Variants in PARVA observed in about 807,000 individuals in gnomAD.
PARVA encodes the protein alpha-parvin.
Under a neutral mutation model 52.6 loss-of-function variants are expected in PARVA, and 25 were observed. That is an observed-to-expected ratio of 0.48 (90% CI 0.35 to 0.66). The LOEUF (loss-of-function observed/expected upper bound fraction) is 0.66, where lower values mean the gene tolerates loss of function less well. PARVA is among the 30% of genes least tolerant of loss of function. The pLI, the probability that PARVA is intolerant of heterozygous loss-of-function variation, is 0.01. For missense variants in PARVA, 373 were observed against 450.9 expected, an observed-to-expected ratio of 0.83 and a Z score of 1.56; for synonymous variants, 185 against 179.1, an observed-to-expected ratio of 1.03 and a Z score of -0.26.
intron 1 of PARVA, among the ~76,000 whole-genome samples, chr11:12,431,195 G>C (rs1037190557): frequency 9.2e-5 from 14 of 152,158 alleles, no homozygotes; most frequent in African/African-American, 3.4e-4. Flanking sequence ...AGGCAGCCTT[G>C]TCCCCACTGG....
intron 1 of PARVA, among the ~76,000 whole-genome samples, chr11:12,424,668 C>T (rs1332676795): frequency 6.6e-6 from 1 of 152,114 alleles, no homozygotes; most frequent in East Asian, 1.9e-4. Flanking sequence ...TAGCATTGCT[C>T]TAGAATTTCC....
In PARVA at chr11:12,529,733, AC is replaced by A. The variant is rs1353733375; in HGVS notation, c.*1811del. The A allele has an allele frequency of 6.6e-6, 1 of 152,226 alleles. No individual in the cohort carries two copies. Among genetic ancestry groups the A allele is most frequent in the Non-Finnish European group, 1.5e-5 (1 of 68,048 alleles). The allele number at this position is 152,226 out of a possible 1,614,324, so 9.4% of individuals were successfully genotyped here. ...TACTGTCTATCTGCAGTAATTGAGG[AC>A]CCATAAAATTTAGATAACTACATGT... On this transcript the variant is annotated 3_prime_UTR_variant, in exon 13 of 13. Transcript: ENST00000334956.
chr11:12,514,572 C>T (rs112104679), intron 10 of PARVA, among the ~76,000 whole-genome samples: 3,508 of 152,306 alleles, frequency 0.023, 138 homozygotes, highest in African/African-American at 0.081. Flanking sequence ...ACTGCAACCT[C>T]TGCCTCCCAG....
At chr11:12,484,504 G>GGTGTGTGTGTGTGTGTGTGTGTGT (rs35501237) in intron 4 of PARVA, among the ~76,000 whole-genome samples, 4 of 144,586 alleles carry the variant, frequency 2.8e-5, no homozygotes, top group African/African-American at 1.1e-4. Flanking sequence ...GTTTTGTTTT[G>GGTGTGTGTGTGTGTGTGTGTGTGT]GTGTGTGTGT....
chr11:12,377,369 C>A (rs1020401205), upstream of PARVA: 269 of 1,333,952 alleles, frequency 2.0e-4, 1 homozygote, highest in East Asian at 8.3e-3. Flanking sequence ...TCCTCCTGTC[C>A]TGCAAGGGGC....
chr11:12,453,944 G>C (rs1191874305), intron 1 of PARVA, among the ~76,000 whole-genome samples: 1 of 152,194 alleles, frequency 6.6e-6, no homozygotes, highest in Admixed American at 6.5e-5. Flanking sequence ...GGGGTCCTTT[G>C]TGCTGTCATC....
chr11:12,518,757 G>A (rs953708128), intron 12 of PARVA, among the ~76,000 whole-genome samples: 10 of 152,224 alleles, frequency 6.6e-5, no homozygotes, highest in African/African-American at 1.7e-4. Context: ...ATCAGGGACC[G>A]AGCAGAACTG....
intron 12 of PARVA, among the ~76,000 whole-genome samples, chr11:12,522,421 C>CTTTTTTTT (rs66494894): frequency 3.7e-5 from 5 of 134,634 alleles, no homozygotes; most frequent in Non-Finnish European, 4.6e-5. Context: ...GAGCTTTATT[C>CTTTTTTTT]TTTTTTTTTT....
intron 8 of PARVA, among the ~76,000 whole-genome samples, chr11:12,512,862 C>T (rs1256803403): frequency 6.6e-6 from 1 of 152,190 alleles, no homozygotes; most frequent in South Asian, 2.1e-4. Flanking sequence ...GCCCTCTTCT[C>T]TGTGCCCTCT....
chr11:12,399,530 A>G (rs1939796332), intron 1 of PARVA, among the ~76,000 whole-genome samples: 1 of 152,240 alleles, frequency 6.6e-6, no homozygotes, highest in Non-Finnish European at 1.5e-5. Flanking sequence ...CTAAATGTTT[A>G]TTATAAGTTC....
intron 1 of PARVA, among the ~76,000 whole-genome samples, chr11:12,463,484 T>G (rs1940811464): frequency 6.6e-6 from 1 of 152,194 alleles, no homozygotes; most frequent in Admixed American, 6.5e-5. Context: ...TATGGGTTTC[T>G]GGAAGGAAGG....
intron 1 of PARVA, among the ~76,000 whole-genome samples, chr11:12,468,818 A>G (rs1693891032): frequency 6.6e-6 from 1 of 152,154 alleles, no homozygotes; most frequent in African/African-American, 2.4e-5. Flanking sequence ...TGACACAATA[A>G]TGATTAGAAG....
At chr11:12,468,989 A>T (rs1940893652) in intron 1 of PARVA, among the ~76,000 whole-genome samples, 1 of 152,138 alleles carries the variant, frequency 6.6e-6, no homozygotes, top group South Asian at 2.1e-4. Flanking sequence ...GATTCGTTTA[A>T]ACCAATAGCG....
chr11:12,413,819 C>G (rs918936374), intron 1 of PARVA, among the ~76,000 whole-genome samples: 22 of 152,208 alleles, frequency 1.4e-4, no homozygotes, highest in Non-Finnish European at 1.5e-5. Context: ...ACTCGAGCCC[C>G]CAGCTGAAAG....
intron 1 of PARVA, among the ~76,000 whole-genome samples, chr11:12,470,642 C>CAGA (rs1940920872): frequency 2.6e-5 from 4 of 152,030 alleles, no homozygotes; most frequent in Admixed American, 2.0e-4. Context: ...AGTTAACAGC[C>CAGA]ATATAAGTTT....
chr11:12,450,231 A>T, intron 1 of PARVA, among the ~76,000 whole-genome samples: 1 of 152,308 alleles, frequency 6.6e-6, no homozygotes, highest in East Asian at 1.9e-4. Flanking sequence ...CTTTGTACAT[A>T]TTGACTCATT....
chr11:12,461,524 T>C (rs1048688060), intron 1 of PARVA, among the ~76,000 whole-genome samples: 4 of 152,234 alleles, frequency 2.6e-5, no homozygotes, highest in African/African-American at 9.6e-5. Context: ...TATTGTTCCC[T>C]GGGCCCTGTA....
intron 6 of PARVA, 29 bp from the exon 7 acceptor site, chr11:12,508,555 C>T: frequency 6.4e-7 from 1 of 1,554,208 alleles, no homozygotes; most frequent in Non-Finnish European, 8.9e-7. Flanking sequence ...CTCTTCTCCT[C>T]CCAACCCCTT....
intron 6 of PARVA, among the ~76,000 whole-genome samples, chr11:12,508,004 A>C (rs909270099): frequency 2.0e-5 from 3 of 150,756 alleles, no homozygotes; most frequent in African/African-American, 7.3e-5. Flanking sequence ...GGACGGACGG[A>C]CGAGTTTCTA....
Sources: allele counts gnomAD v4.1 joint callset (sites outside exome capture counted in the v4.1 genomes callset), GRCh38; gene constraint gnomAD v4.1.1; transcripts MANE v1.5; gene names NCBI Gene and HGNC (gene_info 2026-07-23, HGNC 2026-07-21).